BOC: variants seen among roughly 807,000 people sequenced by gnomAD.
BOC encodes the protein brother of CDO.
In BOC, 76 loss-of-function variants were observed where a neutral mutation model predicts 112.0. That is an observed-to-expected ratio of 0.68 (90% CI 0.56 to 0.82). The LOEUF (loss-of-function observed/expected upper bound fraction) is 0.82, where lower values mean the gene tolerates loss of function less well. Among genes scored for constraint, BOC ranks in the 40% least tolerant of loss-of-function variants. BOC has a pLI of 0.00. For missense variants in BOC, 1,309 were observed against 1,511.7 expected, an observed-to-expected ratio of 0.87 and a Z score of 2.22; for synonymous variants, 580 against 599.8, an observed-to-expected ratio of 0.97 and a Z score of 0.48.
intron 2 of BOC, among the ~76,000 whole-genome samples, chr3:113,223,914 C>T (rs1054185234): frequency 5.9e-5 from 9 of 152,226 alleles, no homozygotes; most frequent in African/African-American, 1.2e-4. Context: ...CTGAGCATGC[C>T]GGCCCTGGCG....
At chr3:113,279,738 C>T (rs988438645) in intron 12 of BOC, 86 bp from the exon 13 acceptor site, 13 of 1,403,580 alleles carry the variant, frequency 9.3e-6, no homozygotes, top group Admixed American at 2.2e-5. Flanking sequence ...CCAGAAGACC[C>T]CTCCAGGTCC....
intron 2 of BOC, among the ~76,000 whole-genome samples, chr3:113,244,425 T>C (rs1944658359): frequency 6.6e-6 from 1 of 152,240 alleles, no homozygotes; most frequent in Non-Finnish European, 1.5e-5. Flanking sequence ...GCATGACTTA[T>C]ACTTAAAAAC....
intron 2 of BOC, among the ~76,000 whole-genome samples, chr3:113,247,316 A>G (rs774467857): frequency 9.9e-5 from 15 of 152,236 alleles, no homozygotes; most frequent in Admixed American, 2.0e-4. Context: ...TGATCTATAT[A>G]AATACCTTAT....
intron 15 of BOC, among the ~76,000 whole-genome samples, chr3:113,282,858 T>C (rs989896997): frequency 6.6e-6 from 1 of 152,050 alleles, no homozygotes; most frequent in African/African-American, 2.4e-5. Context: ...ATGCACCTCC[T>C]AACAGCAAAG....
Position 113,279,444 on chromosome 3 carries a change from G to C in BOC, c.2012G>C (p.Gly671Ala). The change falls in exon 12 of 20, where the codon GGC becomes GCC. Residue 671 changes from glycine to alanine, a missense_variant. Gly to Ala is a moderately conservative substitution (Grantham distance 60). Coordinates refer to ENST00000682979, the MANE Select transcript of BOC (RefSeq NM_001378074.1). ...PPSRLSVEIT[G>A]LEKGTSYKFR... ...TCGCGGCTGTCCGTGGAGATCACGGGCCTAGAGAAAGGTAGGGGCCTGGCC... is the reference window on the plus strand; with the variant it reads ...TCGCGGCTGTCCGTGGAGATCACGGCCCTAGAGAAAGGTAGGGGCCTGGCC... 1 of 1,613,500 alleles carries C rather than the reference G, an allele frequency of 6.2e-7. No homozygotes were observed. The highest frequency in any genetic ancestry group is 8.5e-7 in the Non-Finnish European group (1 of 1,179,842).
chr3:113,286,542 G>A (rs1576524985), intron 19 of BOC, 133 bp from the exon 20 acceptor site: 1 of 818,172 alleles, frequency 1.2e-6, no homozygotes, highest in East Asian at 2.7e-5. Flanking sequence ...CCTTGTCTCG[G>A]TTGTAGGTTT....
At chr3:113,236,685 A>T (rs1943610147) in intron 2 of BOC, among the ~76,000 whole-genome samples, 1 of 152,148 alleles carries the variant, frequency 6.6e-6, no homozygotes, top group African/African-American at 2.4e-5. Context: ...AGTTTTAAAA[A>T]TTTTTAAATA....
At chr3:113,284,666 G>T in intron 17 of BOC, 99 bp downstream of exon 17, 4 of 1,523,030 alleles carry the variant, frequency 2.6e-6, no homozygotes, top group Non-Finnish European at 3.6e-6. Flanking sequence ...TCTCAGGCTG[G>T]GCTGCTGGGC....
At chr3:113,235,719 C>T (rs1291385338) in intron 2 of BOC, among the ~76,000 whole-genome samples, 1 of 152,162 alleles carries the variant, frequency 6.6e-6, no homozygotes, top group East Asian at 1.9e-4. Flanking sequence ...GAGCATTCTC[C>T]ATGGATCCCT....
intron 5 of BOC, chr3:113,269,381 A>G (rs1947861469): frequency 6.6e-6 from 1 of 151,856 alleles, no homozygotes; most frequent in Non-Finnish European, 1.5e-5. Context: ...CTGACCCCAT[A>G]CTCAAGGCCA....
At chr3:113,214,437 G>A (rs571970785) in intron 1 of BOC, among the ~76,000 whole-genome samples, 1 of 152,302 alleles carries the variant, frequency 6.6e-6, no homozygotes, top group East Asian at 1.9e-4. Context: ...ATAGTGTTCC[G>A]TGTCCCCTAG....
At chr3:113,219,159 G>A (rs1181793495) in intron 2 of BOC, among the ~76,000 whole-genome samples, 1 of 152,208 alleles carries the variant, frequency 6.6e-6, no homozygotes, top group Non-Finnish European at 1.5e-5. Flanking sequence ...ACCCTTCATC[G>A]TGTGAGGGAA....
At chr3:113,261,718 G>C (rs1401335024) in intron 4 of BOC, 1 of 152,130 alleles carries the variant, frequency 6.6e-6, no homozygotes, top group Non-Finnish European at 1.5e-5. Flanking sequence ...TTGCAAAATA[G>C]GTTCTTTTTA....
intron 4 of BOC, among the ~76,000 whole-genome samples, chr3:113,262,981 T>C (rs1276474952): frequency 5.3e-5 from 8 of 152,194 alleles, no homozygotes; most frequent in Non-Finnish European, 1.2e-4. Flanking sequence ...ACTTTACTTC[T>C]CCTGCACCTC....
chr3:113,265,274 T>C (rs780027538), intron 4 of BOC, among the ~76,000 whole-genome samples: 1 of 152,222 alleles, frequency 6.6e-6, no homozygotes. Context: ...TCCTTACATC[T>C]TTCTTGCAAA....
At chr3:113,246,742 G>A (rs1422874352) in intron 2 of BOC, among the ~76,000 whole-genome samples, 1 of 152,088 alleles carries the variant, frequency 6.6e-6, no homozygotes, top group Admixed American at 6.6e-5. Context: ...CACGCATCCT[G>A]TTTTGGGGTC....
intron 6 of BOC, 115 bp downstream of exon 6, chr3:113,271,059 C>T: frequency 6.7e-7 from 1 of 1,497,354 alleles, no homozygotes; most frequent in South Asian, 1.1e-5. Context: ...GTTCTGTGTG[C>T]ACTGGCTTTG....
In BOC at chr3:113,279,942, G is replaced by C; in HGVS notation, c.2142G>C (p.Val714=). The C allele has an allele frequency of 6.2e-7, 1 of 1,613,936 alleles. No individual in the cohort carries two copies. The highest frequency in any genetic ancestry group is 8.5e-7 in the Non-Finnish European group (1 of 1,179,968). Residue 714 remains valine, a synonymous_variant, in exon 13 of 20, where the codon GTG becomes GTC. Transcript: ENST00000682979. The part of the protein sequence containing the change: ...GYSGRVYERP[V]AGPYITFTDA... ...GCGGTCGCGTGTACGAGAGGCCCGT[G>C]GCAGGTCCTTATATCACCTTCACGG...
intron 2 of BOC, among the ~76,000 whole-genome samples, chr3:113,249,089 A>G (rs1460191220): frequency 1.3e-5 from 2 of 152,128 alleles, no homozygotes; most frequent in Admixed American, 6.5e-5. Context: ...GGACAAGCTG[A>G]GGAGAGCAGG....
Sources: allele counts gnomAD v4.1 joint callset (sites outside exome capture counted in the v4.1 genomes callset), GRCh38; gene constraint gnomAD v4.1.1; transcripts MANE v1.5; gene names NCBI Gene and HGNC (gene_info 2026-07-23, HGNC 2026-07-21).